RIMS2: variants seen among roughly 807,000 people sequenced by gnomAD.
The protein encoded by RIMS2 is regulating synaptic membrane exocytosis protein 2.
Under a neutral mutation model 174.4 loss-of-function variants are expected in RIMS2, and 59 were observed. The observed-to-expected ratio is 0.34, with a 90% confidence interval of 0.27 to 0.42. The LOEUF (loss-of-function observed/expected upper bound fraction) is 0.42. Ranked by LOEUF, RIMS2 falls within the 10% of genes least tolerant of loss-of-function variation. The pLI, the probability that RIMS2 is intolerant of heterozygous loss-of-function variation, is 1.00. For synonymous variants in RIMS2, 606 were observed against 572.5 expected (o/e 1.06, Z -0.84); for missense variants, 1,620 against 1,666.3 (o/e 0.97, Z 0.48).
At chr8:103,675,020 C>A (rs1449472619) in intron 1 of RIMS2, among the ~76,000 whole-genome samples, 1 of 152,070 alleles carries the variant, frequency 6.6e-6, no homozygotes, top group Non-Finnish European at 1.5e-5. Flanking sequence ...AAATGATTCT[C>A]CTGCTTCAGC....
At chr8:103,546,641 T>G (rs115724834) in intron 1 of RIMS2, among the ~76,000 whole-genome samples, 43 of 152,264 alleles carry the variant, frequency 2.8e-4, no homozygotes, top group African/African-American at 1.0e-3. Flanking sequence ...CATAAAAAAT[T>G]TCCTCAGCAG....
rs530097145 is a variant in RIMS2 at position 103,854,260 on chromosome 8, G to C, written c.699-31038G>C. ...TTTTATCAGTTCTAGTAGACTTTTGGCAGAATCCTTAGGGTTTCCTAGGTA... is the reference window on the plus strand; with the variant it reads ...TTTTATCAGTTCTAGTAGACTTTTGCCAGAATCCTTAGGGTTTCCTAGGTA... On this transcript the variant is annotated intron_variant, in intron 3 of 23. Transcript: ENST00000504942. Among the ~76,000 whole-genome samples, 3 of 152,084 alleles carry C rather than the reference G, an allele frequency of 2.0e-5. No homozygotes were observed. In the East Asian group the frequency reaches 5.8e-4, roughly 29 times the overall value.
chr8:103,910,421 C>A, intron 5 of RIMS2: 1 of 1,596,394 alleles, frequency 6.3e-7, no homozygotes, highest in Non-Finnish European at 8.5e-7. Flanking sequence ...ACTTTGGTGG[C>A]CACTCTTTGG....
At position 104,029,009 on chromosome 8, in the gene RIMS2, T is replaced by G. The variant is rs115727947; in HGVS notation, c.3334+14394T>G. 1.6e-3 allele frequency among the ~76,000 whole-genome samples: 246 copies of G among 152,330 alleles called. 1 individual carries two copies. Among genetic ancestry groups the G allele is most frequent in the African/African-American group, 5.5e-3 (229 of 41,580 alleles). On this transcript the variant is annotated intron_variant, in intron 19 of 23. Coordinates refer to ENST00000504942, the Ensembl canonical transcript of RIMS2. ...AAACAAGAGGTGGATTATTCATGAA[T>G]TTTCCAAGAAAGGGGTGGACAATTC...
rs576214791 is a variant in RIMS2 at position 103,645,981 on chromosome 8, G to C, written c.177-51105G>C. Among the ~76,000 whole-genome samples, 10 of 152,112 alleles carry C rather than the reference G, an allele frequency of 6.6e-5. No homozygotes were observed. The South Asian group carries it at 2.1e-3, about 32-fold the overall frequency. On this transcript the variant is annotated intron_variant, in intron 1 of 23. Coordinates refer to ENST00000504942, the Ensembl canonical transcript of RIMS2. ...AGTGAAGGGAGATACGGGTGGGGCT[G>C]TTTTATAAGATTTGGGTAGGTAAAG... is the stretch of plus-strand genomic sequence containing the variant.
chr8:103,619,257 A>G, intron 1 of RIMS2, among the ~76,000 whole-genome samples: 1 of 145,566 alleles, frequency 6.9e-6, no homozygotes, highest in Non-Finnish European at 1.5e-5. Context: ...TCTGTTCTGT[A>G]AAAACTATTT....
chr8:103,938,020 G>GT (rs1388206610), intron 13 of RIMS2, among the ~76,000 whole-genome samples: 1 of 151,644 alleles, frequency 6.6e-6, no homozygotes, highest in Non-Finnish European at 1.5e-5. Flanking sequence ...AGCTAATTTT[G>GT]TTTTTTTGTA....
At chr8:103,600,251 A>C (rs2094665842) in intron 1 of RIMS2, among the ~76,000 whole-genome samples, 1 of 149,628 alleles carries the variant, frequency 6.7e-6, no homozygotes, top group South Asian at 2.1e-4. Context: ...TTGTGTATAA[A>C]TGCTACATTT....
intron 3 of RIMS2, among the ~76,000 whole-genome samples, chr8:103,832,105 G>T (rs1331056337): frequency 2.6e-5 from 4 of 152,100 alleles, no homozygotes; most frequent in African/African-American, 9.7e-5. Flanking sequence ...TGCAAATACT[G>T]TTTCTCTAGT....
At chr8:104,057,419 T>C (rs2096889352) in intron 19 of RIMS2, among the ~76,000 whole-genome samples, 1 of 152,114 alleles carries the variant, frequency 6.6e-6, no homozygotes, top group Non-Finnish European at 1.5e-5. Flanking sequence ...ATCTAGGTCC[T>C]CTGAATAATA....
chr8:104,159,969 T>C lies in RIMS2; in HGVS notation c.3335-84947T>C, dbSNP rs1211185975. Among the ~76,000 whole-genome samples the C allele has an allele frequency of 2.0e-5, 3 of 152,100 alleles. No homozygotes were observed. The East Asian group carries it at 5.8e-4, about 29-fold the overall frequency. On this transcript the variant is annotated intron_variant, in intron 19 of 23. Coordinates refer to ENST00000504942, the Ensembl canonical transcript of RIMS2. Reference sequence around the variant, plus strand: ...GTCTAGCCAACATGGTGAAACCCCGTCTCTACTAAAAATACAAAAATTAGG... The same window carrying C: ...GTCTAGCCAACATGGTGAAACCCCGCCTCTACTAAAAATACAAAAATTAGG...
At chr8:104,251,799 A>C in exon 24 of RIMS2, 1 of 1,604,196 alleles carries the variant, frequency 6.2e-7, no homozygotes, top group Non-Finnish European at 8.5e-7. Flanking sequence ...GTTCAACTGG[A>C]CCTTCTTACT....
At chr8:103,546,498 T>A (rs1199939091) in intron 1 of RIMS2, among the ~76,000 whole-genome samples, 1 of 152,078 alleles carries the variant, frequency 6.6e-6, no homozygotes, top group African/African-American at 2.4e-5. Context: ...ACAAAGATAT[T>A]TGTGACCTGA....
intron 19 of RIMS2, among the ~76,000 whole-genome samples, chr8:104,132,731 A>C (rs2098483222): frequency 6.6e-6 from 1 of 152,210 alleles, no homozygotes; most frequent in South Asian, 2.1e-4. Flanking sequence ...ACAGGTCTGA[A>C]AGAATTGAGC....
intron 14 of RIMS2, among the ~76,000 whole-genome samples, chr8:103,950,331 A>G (rs78695749): frequency 6.6e-6 from 1 of 152,176 alleles, no homozygotes; most frequent in Non-Finnish European, 1.5e-5. Flanking sequence ...CTGCAGACCA[A>G]TAAACCTCAT....
intron 19 of RIMS2, among the ~76,000 whole-genome samples, chr8:104,021,493 T>G (rs768270818): frequency 1.3e-5 from 2 of 152,194 alleles, no homozygotes; most frequent in African/African-American, 2.4e-5. Context: ...ATAATAAATA[T>G]ATCTTCCTAA....
intron 19 of RIMS2, among the ~76,000 whole-genome samples, chr8:104,116,679 A>G (rs1297197466): frequency 6.6e-6 from 1 of 152,186 alleles, no homozygotes; most frequent in Non-Finnish European, 1.5e-5. Context: ...ACCATGAAAG[A>G]TGATGGTTTC....
At chr8:103,550,402 A>C (rs1847193893) in intron 1 of RIMS2, among the ~76,000 whole-genome samples, 3 of 152,204 alleles carry the variant, frequency 2.0e-5, no homozygotes, top group Admixed American at 2.0e-4. Flanking sequence ...TGTTTCTTGA[A>C]ACCAGTGAGA....
intron 1 of RIMS2, among the ~76,000 whole-genome samples, chr8:103,564,901 A>C (rs982450150): frequency 1.3e-5 from 2 of 152,080 alleles, no homozygotes; most frequent in African/African-American, 4.8e-5. Flanking sequence ...ATTTTTTAGG[A>C]ATTAGGTGTG....
Sources: gnomAD v4.1 joint callset for allele counts (sites outside exome capture counted in the v4.1 genomes callset) on GRCh38, gnomAD v4.1.1 for gene constraint, MANE v1.5 for transcripts, NCBI Gene and HGNC (gene_info 2026-07-23, HGNC 2026-07-21) for gene names.